The following DCLK1 variants were observed in gnomAD, a reference collection of about 807,000 sequenced individuals.
The protein encoded by DCLK1 is serine/threonine-protein kinase DCLK1.
Under a neutral mutation model 86.2 loss-of-function variants are expected in DCLK1, and 16 were observed. The observed-to-expected ratio is 0.19, with a 90% CI of 0.13 to 0.28. DCLK1 has a LOEUF of 0.28. Among genes scored for constraint, DCLK1 ranks in the 10% least tolerant of loss-of-function variants. The probability of loss-of-function intolerance (pLI) is 1.00; values close to 1 mark genes in which losing one functional copy is unlikely to be tolerated. For missense variants in DCLK1, 590 were observed against 940.2 expected (o/e 0.63, Z 4.87); for synonymous variants, 369 against 370.5 (o/e 1.00, Z 0.05).
intron 16 of DCLK1, among the ~76,000 whole-genome samples, chr13:35,779,931 A>G (rs529602325): frequency 6.6e-6 from 1 of 152,256 alleles, no homozygotes; most frequent in South Asian, 2.1e-4. Context: ...TATAATTTTT[A>G]CAAGGTATAC....
chr13:35,999,958 C>T (rs2096259204), intron 3 of DCLK1, among the ~76,000 whole-genome samples: 1 of 152,180 alleles, frequency 6.6e-6, no homozygotes, highest in Admixed American at 6.5e-5. Context: ...GGGAGCAAAA[C>T]GTTTGCATCT....
At chr13:36,105,992 G>A (rs762556730) in intron 3 of DCLK1, among the ~76,000 whole-genome samples, 10 of 152,144 alleles carry the variant, frequency 6.6e-5, no homozygotes, top group African/African-American at 1.7e-4. Flanking sequence ...ACTTGTAAAC[G>A]TCCCCCAAAT....
chr13:36,107,335 A>ATTTT lies in DCLK1; in HGVS notation c.723+4530_723+4533dup, dbSNP rs10670428. On this transcript the variant is annotated intron_variant, in intron 3 of 16. Coordinates refer to ENST00000360631, the MANE Select transcript of DCLK1 (RefSeq NM_001330071.2). ...CACTCTAGCATGCTAGCAGTGGTAG[A>ATTTT]TTTTTTTTTTTTTTTTTTTTTTTTT... Among the ~76,000 whole-genome samples, 687 of 110,276 alleles carry ATTTT rather than the reference A, an allele frequency of 6.2e-3. 39 individuals carry two copies. Among genetic ancestry groups the ATTTT allele is most frequent in the African/African-American group, 0.024 (658 of 27,344 alleles). 72.3% of individuals were successfully genotyped at this position (110,276 alleles called of 152,430 possible). A position where few individuals can be genotyped will look rare whatever the true frequency, so the allele number is the denominator to read the frequency against.
At chr13:36,035,623 C>T (rs1433870886) in intron 3 of DCLK1, among the ~76,000 whole-genome samples, 1 of 152,180 alleles carries the variant, frequency 6.6e-6, no homozygotes, top group East Asian at 1.9e-4. Flanking sequence ...ACTGCAGCGT[C>T]GAACTCCTGG....
Position 36,126,129 on chromosome 13 carries a change from G to T in DCLK1, c.9C>A (p.Phe3Leu), listed in dbSNP as rs1033291245. The T allele has an allele frequency of 1.3e-6, 2 of 1,590,430 alleles. No homozygotes were observed. The highest frequency in any genetic ancestry group is 2.2e-5 in the East Asian group (1 of 44,586). The change falls in exon 2 of 17, where the codon TTC becomes TTA. Residue 3 changes from phenylalanine to leucine, a missense_variant. By Grantham distance (22) the Phe-to-Leu change is conservative. This residue lies in a region of DCLK1 where 50 missense variants were observed against 47.8 expected (regional missense o/e 1.05). Coordinates refer to ENST00000360631, the MANE Select transcript of DCLK1 (RefSeq NM_001330071.2). ...AGTGCTCCAGCTCCATGTCTCTGCCGAAGGACATGATGGACTTCAAGTAGG... is the reference window on the plus strand; with the variant it reads ...AGTGCTCCAGCTCCATGTCTCTGCCTAAGGACATGATGGACTTCAAGTAGG... MS[F>L]GRDMELEHFD...
chr13:35,847,651 GAAAGAA>G (rs1037607400), intron 6 of DCLK1: 201 of 602,158 alleles, frequency 3.3e-4, no homozygotes, highest in Non-Finnish European at 4.1e-4. Flanking sequence ...AAGAAAGAAA[GAAAGAA>G]AAAGAGCCCA....
At position 35,839,139 on chromosome 13, in the gene DCLK1, G is replaced by A; in HGVS notation, c.1073C>T (p.Ser358Phe). Reference protein sequence around the residue: ...QHGGSSTSLASTKVCSSMDEN... With the variant: ...QHGGSSTSLAFTKVCSSMDEN... ...ATCCATCGAGCTGCAGACTTTGGTG[G>A]ACGCAAGTGACGTAGAGGAGCCGCC... The change falls in exon 7 of 17, where the codon TCC (serine) becomes TTC (phenylalanine). Residue 358 changes from serine to phenylalanine, a missense_variant. By Grantham distance (155) the Ser-to-Phe change is radical (BLOSUM62 -2). This residue lies in a region of DCLK1 where 63 missense variants were observed against 64.3 expected (regional missense o/e 0.98). Transcript: ENST00000360631. The A allele has an allele frequency of 6.3e-7, 1 of 1,594,376 alleles. No individual in the cohort carries two copies. Among genetic ancestry groups the A allele is most frequent in the Non-Finnish European group, 8.5e-7 (1 of 1,170,614 alleles).
chr13:35,989,627 C>T (rs550331172), intron 3 of DCLK1, among the ~76,000 whole-genome samples: 5 of 151,916 alleles, frequency 3.3e-5, no homozygotes, highest in Middle Eastern at 3.4e-3. Context: ...ACTGTAGCCT[C>T]GAACTCCTAG....
At chr13:35,957,940 CACT>C (rs1170059936) in intron 3 of DCLK1, among the ~76,000 whole-genome samples, 1 of 151,528 alleles carries the variant, frequency 6.6e-6, no homozygotes, top group Non-Finnish European at 1.5e-5. Context: ...TCACCACTAC[CACT>C]ACTACCACTA....
chr13:35,786,684 T>C (rs763732635), intron 16 of DCLK1, among the ~76,000 whole-genome samples: 4 of 152,144 alleles, frequency 2.6e-5, no homozygotes, highest in Non-Finnish European at 5.9e-5. Flanking sequence ...GATGGATGAA[T>C]CCTCTTCTGT....
chr13:36,027,152 G>A (rs746994799), intron 3 of DCLK1, among the ~76,000 whole-genome samples: 4 of 152,168 alleles, frequency 2.6e-5, no homozygotes, highest in Non-Finnish European at 5.9e-5. Context: ...CCGGGGACCA[G>A]TTTTGGGAAA....
intron 4 of DCLK1, among the ~76,000 whole-genome samples, chr13:35,900,743 C>T (rs1874303584): frequency 1.3e-5 from 2 of 152,150 alleles, no homozygotes; most frequent in South Asian, 4.1e-4. Flanking sequence ...GCATCACCTC[C>T]CACCCTCGGC....
intron 4 of DCLK1, among the ~76,000 whole-genome samples, chr13:35,895,177 G>A (rs1873881422): frequency 6.6e-6 from 1 of 151,886 alleles, no homozygotes; most frequent in South Asian, 2.1e-4. Context: ...GATCTCAAGC[G>A]ATTCTCCCAC....
At chr13:35,941,732 GTTAC>G in intron 4 of DCLK1, among the ~76,000 whole-genome samples, 1 of 152,196 alleles carries the variant, frequency 6.6e-6, no homozygotes, top group East Asian at 1.9e-4. Context: ...TTCTTCTACA[GTTAC>G]TTAGTTTTAT....
intron 3 of DCLK1, among the ~76,000 whole-genome samples, chr13:36,048,434 G>C (rs1483008404): frequency 6.6e-6 from 1 of 151,754 alleles, no homozygotes; most frequent in African/African-American, 2.4e-5. Context: ...ATTTTCCTTT[G>C]CAAGTTTATG....
intron 3 of DCLK1, among the ~76,000 whole-genome samples, chr13:36,089,958 C>T (rs1007460492): frequency 6.6e-6 from 1 of 152,202 alleles, no homozygotes; most frequent in Non-Finnish European, 1.5e-5. Flanking sequence ...TGTGCGTTTG[C>T]AATTCCTATG....
intron 8 of DCLK1, among the ~76,000 whole-genome samples, chr13:35,830,962 G>C (rs1048370702): frequency 6.6e-6 from 1 of 152,132 alleles, no homozygotes; most frequent in Admixed American, 6.5e-5. Flanking sequence ...GAGCACAGGA[G>C]GGCTGAACCC....
intron 4 of DCLK1, among the ~76,000 whole-genome samples, chr13:35,910,773 G>A (rs1480126455): frequency 6.6e-6 from 1 of 152,178 alleles, no homozygotes; most frequent in Non-Finnish European, 1.5e-5. Context: ...ATTGCTGGAG[G>A]CAGGAAGCGG....
intron 3 of DCLK1, among the ~76,000 whole-genome samples, chr13:36,046,439 A>G (rs981984421): frequency 6.6e-6 from 1 of 152,228 alleles, no homozygotes; most frequent in Non-Finnish European, 1.5e-5. Context: ...ACTTGGTGAT[A>G]CTTTCTAGAT....
Sources: gnomAD v4.1 joint callset for allele counts (sites outside exome capture counted in the v4.1 genomes callset) on GRCh38, gnomAD v4.1.1 for gene constraint, gnomAD v4.1.1 regional missense constraint, MANE v1.5 for transcripts, NCBI Gene and HGNC (gene_info 2026-07-23, HGNC 2026-07-21) for gene names.